COX20: variants seen among roughly 807,000 people sequenced by gnomAD.
COX20 encodes cytochrome c oxidase assembly factor COX20.
COX20 carries 14 observed loss-of-function variants against 14.3 expected under a neutral mutation model. That is an observed-to-expected ratio of 0.98 (90% CI 0.65 to 1.53). The LOEUF (loss-of-function observed/expected upper bound fraction) is 1.53, where lower values mean the gene tolerates loss of function less well. Ranked by LOEUF, COX20 falls within the 40% of genes most tolerant of loss-of-function variation. The pLI is 0.00. For synonymous variants in COX20, 56 were observed against 51.7 expected (o/e 1.08, Z -0.36); for missense variants, 149 against 142.1 (o/e 1.05, Z -0.25).
intron 1 of COX20, chr1:244,840,905 G>A (rs1680175871): frequency 1.3e-5 from 2 of 152,226 alleles, no homozygotes; most frequent in African/African-American, 4.8e-5. Flanking sequence ...CTAACCCATT[G>A]AAGATAACTA....
chr1:244,838,579 C>T (rs1195932616), intron 1 of COX20, among the ~76,000 whole-genome samples: 2 of 152,214 alleles, frequency 1.3e-5, no homozygotes, highest in Admixed American at 1.3e-4. Flanking sequence ...ATTTGTGCCA[C>T]ATATGCTGAG....
At chr1:244,835,356 G>C (rs1260643314), upstream of COX20, 4 of 229,940 alleles carry the variant, frequency 1.7e-5, no homozygotes, top group Non-Finnish European at 3.4e-5. Flanking sequence ...GGTTGGGGCG[G>C]AGCAGGGGGC....
rs1190978767 is a variant in COX20, at chr1:244,844,200, AAAG to A, written c.*1027_*1029del. 6.6e-6 allele frequency: 1 copy of A among 152,198 alleles called. No homozygotes were observed. The highest frequency in any genetic ancestry group is 1.5e-5 in the Non-Finnish European group (1 of 68,022). 9.4% of individuals were successfully genotyped at this position (152,198 alleles called of 1,614,324 possible). A position where few individuals can be genotyped will look rare whatever the true frequency, so the allele number is the denominator to read the frequency against. On this transcript the variant is annotated 3_prime_UTR_variant, in exon 4 of 4. Coordinates refer to ENST00000411948, the MANE Select transcript of COX20 (RefSeq NM_198076.6). ...GTTATTTTGATCTACATCTTTTTCT[AAAG>A]AAAAGTGGAGCTTGCCTCCAGTTCA...
At chr1:244,841,663 T>C (rs1248216828) in intron 1 of COX20, 1 of 291,040 alleles carries the variant, frequency 3.4e-6, no homozygotes, top group African/African-American at 2.2e-5. Context: ...TGAATTATCC[T>C]ATTTCCAAGT....
chr1:244,840,655 C>A (rs924586078), intron 1 of COX20: 1 of 152,206 alleles, frequency 6.6e-6, no homozygotes, highest in South Asian at 2.1e-4. Flanking sequence ...GTAAATAATT[C>A]TTGCTTTATT....
Position 244,842,044 on chromosome 1 carries a change from AT to A in COX20, c.149del (p.Leu50CysfsTer14), listed in dbSNP as rs1313693363. Reference sequence around the variant, plus strand: ...GGATCTGTTGTGGCTGGCTTTGGACATTTTTTGTTCACTAGTGAGTATCTGT... The same window carrying A: ...GGATCTGTTGTGGCTGGCTTTGGACATTTTTGTTCACTAGTGAGTATCTGT... The part of the protein sequence containing the change: ...SLGSVVAGFG[H>X]FLFTSRIRRS... On this transcript the variant is annotated frameshift_variant, in exon 2 of 4. Transcript: ENST00000411948. LOFTEE classifies it high-confidence loss of function. The A allele has an allele frequency of 6.2e-7, 1 of 1,605,640 alleles. No homozygotes were observed. Among genetic ancestry groups the A allele is most frequent in the South Asian group, 1.1e-5 (1 of 90,730 alleles).
intron 1 of COX20, chr1:244,836,553 G>A: frequency 6.5e-7 from 1 of 1,535,656 alleles, no homozygotes; most frequent in South Asian, 1.2e-5. Context: ...TCTTTTCCTG[G>A]GCTCCTTATT....
chr1:244,843,452 T>G lies in COX20; in HGVS notation c.*276T>G, dbSNP rs539426798. 1 of 358,666 alleles carries G rather than the reference T, an allele frequency of 2.8e-6. No individual in the cohort carries two copies. The highest frequency in any genetic ancestry group is 5.1e-6 in the Non-Finnish European group (1 of 197,948). The allele number at this position is 358,666 out of a possible 1,614,324, so 22.2% of individuals were successfully genotyped here. A position where few individuals can be genotyped will look rare whatever the true frequency, so the allele number is the denominator to read the frequency against. On this transcript the variant is annotated 3_prime_UTR_variant, in exon 4 of 4. Transcript: ENST00000411948. ...AAGAATTATAAAACATAGTGTTTAA[T>G]GTACTTGGAGTTTCCTTGTAGTAGT... is the stretch of plus-strand genomic sequence containing the variant.
At chr1:244,838,074 A>G (rs148048689) in intron 1 of COX20, among the ~76,000 whole-genome samples, 38 of 151,994 alleles carry the variant, frequency 2.5e-4, no homozygotes, top group African/African-American at 7.0e-4. Context: ...GGGATGCTCA[A>G]CCTGTATTAG....
rs1680291178 is a variant in COX20 at position 244,843,337 on chromosome 1, G to A, written c.*161G>A. On this transcript the variant is annotated 3_prime_UTR_variant, in exon 4 of 4. Transcript: ENST00000411948. ...AAACTTGCCAGTTTATTCTGGCCCT[G>A]TGTCTACTGCCAGGATAGCATTCTT... The A allele has an allele frequency of 1.4e-6, 1 of 702,828 alleles. No homozygotes were observed. Among genetic ancestry groups the A allele is most frequent in the South Asian group, 2.0e-5 (1 of 51,054 alleles). The allele number at this position is 702,828 out of a possible 1,614,324, so 43.5% of individuals were successfully genotyped here. A position where few individuals can be genotyped will look rare whatever the true frequency, so the allele number is the denominator to read the frequency against.
At position 244,843,099 on chromosome 1, in the gene COX20, G is replaced by T; in HGVS notation, c.280G>T (p.Glu94Ter). 6.3e-7 allele frequency: 1 copy of T among 1,593,578 alleles called. No homozygotes were observed. Among genetic ancestry groups the T allele is most frequent in the Non-Finnish European group, 8.5e-7 (1 of 1,172,868 alleles). ...QRIQERIARE[E>*]IKKKILYEGT... Reference sequence around the variant, plus strand: ...AATCCAGGAAAGAATTGCCAGAGAAGAAATTAAAAAGAAGATATTATATGA... The same window carrying T: ...AATCCAGGAAAGAATTGCCAGAGAATAAATTAAAAAGAAGATATTATATGA... The change falls in exon 4 of 4, where the codon GAA becomes TAA. Residue 94 changes from glutamate to a stop codon, truncating the protein, a stop_gained. Transcript: ENST00000411948. LOFTEE classifies it high-confidence loss of function.
rs533222173 is a variant in COX20 at position 244,836,477 on chromosome 1, C to G, written c.42+721C>G. On this transcript the variant is annotated intron_variant, in intron 1 of 3. Coordinates refer to ENST00000411948, the MANE Select transcript of COX20 (RefSeq NM_198076.6). ...AAGCTGACTTACGTACTTTCCCCAT[C>G]TTCCCAGGCATCTTGTACGTCGTTA... is the stretch of plus-strand genomic sequence containing the variant. 3.2e-6 allele frequency: 5 copies of G among 1,550,190 alleles called. No individual in the cohort carries two copies. The African/African-American group carries it at 4.1e-5, about 13-fold the overall frequency.
intron 2 of COX20, 34 bp downstream of exon 2, chr1:244,842,092 T>C (rs975691956): frequency 6.5e-7 from 1 of 1,534,078 alleles, no homozygotes; most frequent in African/African-American, 1.4e-5. Flanking sequence ...CTCTATGTAC[T>C]AAAAAAAGCA....
At chr1:244,839,428 T>C (rs993055195) in intron 1 of COX20, among the ~76,000 whole-genome samples, 7 of 152,202 alleles carry the variant, frequency 4.6e-5, no homozygotes, top group African/African-American at 1.7e-4. Flanking sequence ...TTAAAAAATG[T>C]CTGACATTTC....
intron 1 of COX20, among the ~76,000 whole-genome samples, chr1:244,838,456 TC>T (rs1680068758): frequency 6.6e-6 from 1 of 152,158 alleles, no homozygotes; most frequent in Non-Finnish European, 1.5e-5. Context: ...GAGTGGCACT[TC>T]AGAATCAGGT....
Position 244,843,240 on chromosome 1 carries a change from T to C in COX20, c.*64T>C, listed in dbSNP as rs1404839772. 1.0e-5 allele frequency: 15 copies of C among 1,455,106 alleles called. No individual in the cohort carries two copies. The African/African-American group carries it at 2.3e-4, about 22-fold the overall frequency. The allele number at this position is 1,455,106 out of a possible 1,614,324, so 90.1% of individuals were successfully genotyped here. A position where few individuals can be genotyped will look rare whatever the true frequency, so the allele number is the denominator to read the frequency against. On this transcript the variant is annotated 3_prime_UTR_variant, in exon 4 of 4. Coordinates refer to ENST00000411948, the MANE Select transcript of COX20 (RefSeq NM_198076.6). Reference sequence around the variant, plus strand: ...GATCAACCACATAAAACATTTCATGTGCAATAAGCTCTCAATCAAGTAAAT... The same window carrying C: ...GATCAACCACATAAAACATTTCATGCGCAATAAGCTCTCAATCAAGTAAAT...
intron 1 of COX20, among the ~76,000 whole-genome samples, chr1:244,838,971 G>A (rs768083193): frequency 6.6e-6 from 1 of 152,162 alleles, no homozygotes; most frequent in South Asian, 2.1e-4. Context: ...TGTACTTTTA[G>A]TAGAGACAGG....
Position 244,842,200 on chromosome 1 carries a change from A to T in COX20, c.163A>T (p.Ile55Phe). ...TGTTATGCTTATTTTTACAGGTAGA[A>T]TTAGAAGATCATGTGATGTTGGAGT... ...GFGHFLFTSR[I>F]RRSCDVGVGG... The change falls in exon 3 of 4, where the codon ATT becomes TTT. Residue 55 changes from isoleucine (I) to phenylalanine (F), a missense_variant. Coordinates refer to ENST00000411948, the MANE Select transcript of COX20 (RefSeq NM_198076.6). The T allele has an allele frequency of 6.2e-7, 1 of 1,603,892 alleles. No individual in the cohort carries two copies. Among genetic ancestry groups the T allele is most frequent in the Middle Eastern group, 1.7e-4 (1 of 5,722 alleles).
intron 1 of COX20, chr1:244,836,531 A>G (rs753288852): frequency 1.1e-4 from 169 of 1,549,202 alleles, no homozygotes; most frequent in Non-Finnish European, 1.4e-4. Context: ...GTAATAAATG[A>G]TCTTGTTTTC....
Sources: allele counts gnomAD v4.1 joint callset (sites outside exome capture counted in the v4.1 genomes callset), GRCh38; gene constraint gnomAD v4.1.1; transcripts MANE v1.5; gene names NCBI Gene and HGNC (gene_info 2026-07-23, HGNC 2026-07-21).